CFAP299: variants seen among roughly 807,000 people sequenced by gnomAD.
The protein encoded by CFAP299 is cilia and flagella associated protein 299.
CFAP299 carries 21 observed loss-of-function variants against 27.0 expected under a neutral mutation model. The observed-to-expected ratio is 0.78, with a 90% CI of 0.55 to 1.12. The LOEUF (loss-of-function observed/expected upper bound fraction) is 1.12. CFAP299 is among the 50% of genes most tolerant of loss of function. The pLI, the probability that CFAP299 is intolerant of heterozygous loss-of-function variation, is 0.00. For missense variants in CFAP299, 310 were observed against 276.6 expected (o/e 1.12, Z -0.86); for synonymous variants, 104 against 98.1 (o/e 1.06, Z -0.36).
intron 1 of CFAP299, among the ~76,000 whole-genome samples, chr4:80,343,128 A>G (rs567689680): frequency 2.6e-5 from 4 of 152,354 alleles, no homozygotes; most frequent in African/African-American, 9.6e-5. Flanking sequence ...AGAGCTAACT[A>G]TCTTAAATAT....
chr4:80,662,919 G>T (rs1740937311), intron 3 of CFAP299, among the ~76,000 whole-genome samples: 2 of 151,784 alleles, frequency 1.3e-5, no homozygotes, highest in Non-Finnish European at 2.9e-5. Flanking sequence ...AGCCTCATGA[G>T]ATTAGCAAAT....
chr4:80,745,630 A>G (rs971215832), intron 3 of CFAP299, among the ~76,000 whole-genome samples: 5 of 152,082 alleles, frequency 3.3e-5, no homozygotes, highest in African/African-American at 1.2e-4. Flanking sequence ...AGTTTATATT[A>G]TTATTAATAT....
At chr4:80,518,684 T>G (rs1343217786) in intron 2 of CFAP299, among the ~76,000 whole-genome samples, 1 of 152,090 alleles carries the variant, frequency 6.6e-6, no homozygotes, top group Non-Finnish European at 1.5e-5. Context: ...CAAGCTTCTA[T>G]GTTGGGTGGT....
chr4:80,533,086 T>C (rs994634953), intron 2 of CFAP299, among the ~76,000 whole-genome samples: 3 of 152,360 alleles, frequency 2.0e-5, no homozygotes, highest in Middle Eastern at 3.4e-3. Context: ...TTCTAAGTAT[T>C]GTCTACATTT....
intron 3 of CFAP299, among the ~76,000 whole-genome samples, chr4:80,645,287 A>G (rs187422120): frequency 6.6e-4 from 101 of 152,240 alleles, no homozygotes; most frequent in Admixed American, 1.8e-3. Context: ...TGCATGGAGT[A>G]TAGAGTTGCA....
Position 80,856,108 on chromosome 4 carries a change from A to T in CFAP299, c.334-13885A>T, listed in dbSNP as rs1445839266. Among the ~76,000 whole-genome samples the T allele has an allele frequency of 3.3e-5, 5 of 151,740 alleles. 1 individual carries two copies. In the East Asian group the frequency reaches 9.7e-4, roughly 29 times the overall value. On this transcript the variant is annotated intron_variant, in intron 3 of 5. Transcript: ENST00000358105. ...TTTAATGATTGCCATTCTAACTGGT[A>T]TGAGATGATATCTCATTGTGGTTTT...
At chr4:80,327,878 A>T in the CFAP299 span, among the ~76,000 whole-genome samples, 2 of 151,432 alleles carry the variant, frequency 1.3e-5, no homozygotes, top group Middle Eastern at 6.9e-3. Context: ...AGTTTAGCCA[A>T]GGTGGTGGAA....
At chr4:80,795,785 A>G (rs766116275) in intron 3 of CFAP299, among the ~76,000 whole-genome samples, 11 of 152,182 alleles carry the variant, frequency 7.2e-5, no homozygotes, top group South Asian at 6.2e-4. Context: ...TTGATGACCC[A>G]TAGTCAAACA....
At chr4:80,698,696 G>A (rs952451766) in intron 3 of CFAP299, among the ~76,000 whole-genome samples, 3 of 152,222 alleles carry the variant, frequency 2.0e-5, no homozygotes, top group Admixed American at 6.5e-5. Flanking sequence ...AGTTCCACAT[G>A]GCTGGAGAAG....
At chr4:80,428,776 T>C (rs1165927205) in intron 2 of CFAP299, among the ~76,000 whole-genome samples, 1 of 151,822 alleles carries the variant, frequency 6.6e-6, no homozygotes, top group African/African-American at 2.4e-5. Flanking sequence ...CCTGACCTCA[T>C]GATTTGCCTG....
chr4:80,820,130 A>C (rs1427402228), intron 3 of CFAP299, among the ~76,000 whole-genome samples: 1 of 152,202 alleles, frequency 6.6e-6, no homozygotes, highest in Non-Finnish European at 1.5e-5. Context: ...ATATACATTT[A>C]AGAAATATAG....
intron 5 of CFAP299, among the ~76,000 whole-genome samples, chr4:80,954,183 C>T (rs761763498): frequency 2.6e-4 from 39 of 152,164 alleles, no homozygotes; most frequent in Admixed American, 1.2e-3. Context: ...AAGCAGGCAT[C>T]AGAAAACACA....
intron 2 of CFAP299, among the ~76,000 whole-genome samples, chr4:80,394,571 G>A (rs578035397): frequency 2.0e-5 from 3 of 152,098 alleles, no homozygotes; most frequent in Admixed American, 1.3e-4. Flanking sequence ...TTACGTATAA[G>A]TCATTAATCC....
intron 3 of CFAP299, among the ~76,000 whole-genome samples, chr4:80,869,747 C>T (rs1213534765): frequency 6.6e-6 from 1 of 152,168 alleles, no homozygotes. Flanking sequence ...CTCCTTACCT[C>T]GTGATCTGCC....
intron 3 of CFAP299, among the ~76,000 whole-genome samples, chr4:80,614,504 G>A (rs924108795): frequency 1.7e-4 from 26 of 152,306 alleles, no homozygotes; most frequent in Non-Finnish European, 3.1e-4. Flanking sequence ...GATTTGCAAG[G>A]CGGGAAAGCA....
At chr4:80,337,310 A>G (rs568115892) in intron 1 of CFAP299, among the ~76,000 whole-genome samples, 25 of 152,340 alleles carry the variant, frequency 1.6e-4, no homozygotes, top group Non-Finnish European at 3.4e-4. Flanking sequence ...AATATTTTTT[A>G]AGGCACAGTT....
intron 5 of CFAP299, among the ~76,000 whole-genome samples, chr4:80,960,518 A>G (rs549586213): frequency 6.6e-6 from 1 of 151,982 alleles, no homozygotes; most frequent in Non-Finnish European, 1.5e-5. Context: ...AAGATTGTAC[A>G]GAGGTTCTGA....
At chr4:80,430,212 AAC>A (rs1727742473) in intron 2 of CFAP299, among the ~76,000 whole-genome samples, 1 of 152,224 alleles carries the variant, frequency 6.6e-6, no homozygotes, top group Admixed American at 6.5e-5. Context: ...ATTAATGACA[AAC>A]ACAGAAAAAA....
intron 4 of CFAP299, among the ~76,000 whole-genome samples, chr4:80,878,899 G>C (rs1466133084): frequency 1.3e-5 from 2 of 152,020 alleles, no homozygotes; most frequent in Non-Finnish European, 2.9e-5. Context: ...TAGTTTGTCA[G>C]GTCATGTCAC....
Sources: allele counts gnomAD v4.1 joint callset (sites outside exome capture counted in the v4.1 genomes callset), GRCh38; gene constraint gnomAD v4.1.1; transcripts MANE v1.5; gene names NCBI Gene and HGNC (gene_info 2026-07-23, HGNC 2026-07-21).